AGAP1: variants seen among roughly 807,000 people sequenced by gnomAD.
The protein encoded by AGAP1 is arf-GAP with GTPase, ANK repeat and PH domain-containing protein 1.
AGAP1 carries 29 observed loss-of-function variants against 105.3 expected under a neutral mutation model. The ratio of observed to expected loss-of-function variants is 0.28; its 90% CI spans 0.21 to 0.38. AGAP1 has a LOEUF of 0.38. Among genes scored for constraint, AGAP1 ranks in the 10% least tolerant of loss-of-function variants. The pLI, the probability that AGAP1 is intolerant of heterozygous loss-of-function variation, is 1.00. For missense variants in AGAP1, 998 were observed against 1,165.1 expected (o/e 0.86, Z 2.09); for synonymous variants, 509 against 485.9 (o/e 1.05, Z -0.63).
chr2:235,860,093 T>G (rs1217973650), intron 9 of AGAP1, among the ~76,000 whole-genome samples: 2 of 152,178 alleles, frequency 1.3e-5, no homozygotes, highest in African/African-American at 4.8e-5. Flanking sequence ...CTTCTTCTCC[T>G]CCTCCTCCTC....
At chr2:235,755,563 C>T (rs765067134) in intron 6 of AGAP1, among the ~76,000 whole-genome samples, 1 of 152,172 alleles carries the variant, frequency 6.6e-6, no homozygotes, top group Admixed American at 6.5e-5. Flanking sequence ...GCCTCTGCCT[C>T]CTGAGTAGCT....
Position 235,930,810 on chromosome 2 carries a change from G to C in AGAP1, c.1370G>C (p.Ser457Thr). ...GGGTCTCAGATGGCAAGCGGCATCA[G>C]CCTGGTCTCCTTCAACAGCCGACCC... is the stretch of plus-strand genomic sequence containing the variant. ...ASGSQMASGI[S>T]LVSFNSRPDG... The change falls in exon 12 of 18, where the codon AGC (serine) becomes ACC (threonine). Residue 457 changes from serine (S) to threonine (T), a missense_variant. This residue lies in a region of AGAP1 where 735 missense variants were observed against 833.4 expected (regional missense o/e 0.88). Transcript: ENST00000304032. The surrounding 1 kb of genome is among the most constrained non-coding windows in gnomAD (Gnocchi z 7.9). 6.2e-7 allele frequency: 1 copy of C among 1,614,120 alleles called. No homozygotes were observed. Among genetic ancestry groups the C allele is most frequent in the Non-Finnish European group, 8.5e-7 (1 of 1,180,026 alleles).
At position 236,125,163 on chromosome 2, in the gene AGAP1, GA is replaced by G. The variant is rs1445247578; in HGVS notation, c.*1042del. The G allele has an allele frequency of 6.2e-6, 1 of 161,274 alleles. No homozygotes were observed. The highest frequency in any genetic ancestry group is 6.5e-5 in the Admixed American group (1 of 15,272). The allele number at this position is 161,274 out of a possible 1,614,324, so 10.0% of individuals were successfully genotyped here. ...GATGTGTTAGTCTCAGGCCCTCCTG[GA>G]CCACGTTGCCCAAGTCACACAGGCT... On this transcript the variant is annotated 3_prime_UTR_variant, in exon 18 of 18. Transcript: ENST00000304032. The surrounding 1 kb of genome is among the most constrained non-coding windows in gnomAD (Gnocchi z 5.2).
intron 9 of AGAP1, among the ~76,000 whole-genome samples, chr2:235,816,887 GAAA>G (rs111757111): frequency 6.9e-6 from 1 of 145,562 alleles, no homozygotes; most frequent in Non-Finnish European, 1.5e-5. Flanking sequence ...TCAAAAAGAA[GAAA>G]AAAAAAAAGA....
intron 10 of AGAP1, among the ~76,000 whole-genome samples, chr2:235,894,954 A>T (rs1178646174): frequency 1.3e-5 from 2 of 152,306 alleles, no homozygotes; most frequent in Admixed American, 6.5e-5. Context: ...CTCAAGGTCA[A>T]TTATGCAGTG....
intron 1 of AGAP1, among the ~76,000 whole-genome samples, chr2:235,568,930 T>C (rs202175335): frequency 1.6e-5 from 1 of 63,464 alleles, no homozygotes; most frequent in Non-Finnish European, 3.6e-5. Context: ...CTTAGAAGGA[T>C]GCCTGTGATT....
intron 1 of AGAP1, among the ~76,000 whole-genome samples, chr2:235,583,357 G>A (rs1427911667): frequency 6.6e-6 from 1 of 152,068 alleles, no homozygotes. Context: ...CCAGGGTCAG[G>A]TGCGGGTCCC....
At position 235,872,365 on chromosome 2, in the gene AGAP1, C is replaced by T. The variant is rs1188136379; in HGVS notation, c.1051-10980C>T. On this transcript the variant is annotated intron_variant, in intron 9 of 17. Transcript: ENST00000304032. The surrounding 1 kb of genome is among the most constrained non-coding windows in gnomAD (Gnocchi z 4.5). Reference sequence around the variant, plus strand: ...TGACAGCTGGACAGCAAGAAAGAATCTTAAGCAGAGATGGTTTTCACATGT... The same window carrying T: ...TGACAGCTGGACAGCAAGAAAGAATTTTAAGCAGAGATGGTTTTCACATGT... Among the ~76,000 whole-genome samples the T allele has an allele frequency of 6.6e-6, 1 of 152,176 alleles. No homozygotes were observed. The highest frequency in any genetic ancestry group is 1.5e-5 in the Non-Finnish European group (1 of 68,024).
rs1005728699 is a variant in AGAP1 at position 236,104,067 on chromosome 2, A to ATG, written c.2115-16122_2115-16121dup. 2.6e-5 allele frequency among the ~76,000 whole-genome samples: 4 copies of ATG among 152,186 alleles called. No individual in the cohort carries two copies. The highest frequency in any genetic ancestry group is 9.7e-5 in the African/African-American group (4 of 41,434). ...AATATTCAAACCCAGGCCTGCAGCA[A>ATG]TGTGAAACCTTAGGTACTTCCCACT... On this transcript the variant is annotated intron_variant, in intron 16 of 17. Transcript: ENST00000304032. The surrounding 1 kb of genome is among the most constrained non-coding windows in gnomAD (Gnocchi z 4.7).
In AGAP1 at chr2:235,541,149, C is replaced by T. The variant is rs1421452533; in HGVS notation, c.163+46300C>T. On this transcript the variant is annotated intron_variant, in intron 1 of 17. Coordinates refer to ENST00000304032, the MANE Select transcript of AGAP1 (RefSeq NM_001037131.3). Reference sequence around the variant, plus strand: ...TCTATTTAATAATCACCATTGGGCACGTGGACTTTCATCAGTACACATAGA... The same window carrying T: ...TCTATTTAATAATCACCATTGGGCATGTGGACTTTCATCAGTACACATAGA... Among the ~76,000 whole-genome samples the T allele has an allele frequency of 2.6e-5, 4 of 152,114 alleles. No individual in the cohort carries two copies. The East Asian group carries it at 5.8e-4, about 22-fold the overall frequency.
intron 1 of AGAP1, among the ~76,000 whole-genome samples, chr2:235,513,024 T>A (rs1172120883): frequency 6.6e-6 from 1 of 152,224 alleles, no homozygotes; most frequent in Non-Finnish European, 1.5e-5. Context: ...TCCTGACCAG[T>A]TCATTTCATG....
Position 236,119,092 on chromosome 2 carries a change from C to A in AGAP1, c.2115-1100C>A, listed in dbSNP as rs987586909. ...AGCAGGGTCCCCATCCTCTGTAGAC[C>A]CCCCAGGAGGAGACCATGTATTACA... is the stretch of plus-strand genomic sequence containing the variant. On this transcript the variant is annotated intron_variant, in intron 16 of 17. Transcript: ENST00000304032. This position sits in a 1 kb window ranked among gnomAD's most constrained non-coding sequence, Gnocchi z 6.6. Among the ~76,000 whole-genome samples the A allele has an allele frequency of 6.6e-6, 1 of 152,076 alleles. No homozygotes were observed. The highest frequency in any genetic ancestry group is 2.4e-5 in the African/African-American group (1 of 41,398).
At position 235,989,702 on chromosome 2, in the gene AGAP1, C is replaced by T. The variant is rs1371568723; in HGVS notation, c.1645+21079C>T. On this transcript the variant is annotated intron_variant, in intron 13 of 17. Transcript: ENST00000304032. This position sits in a 1 kb window ranked among gnomAD's most constrained non-coding sequence, Gnocchi z 4.4. Reference sequence around the variant, plus strand: ...AGAAAGAGTCATGAATCAAGGAGCCCAGGAGGACGGGGAATCCCTGGAGGA... The same window carrying T: ...AGAAAGAGTCATGAATCAAGGAGCCTAGGAGGACGGGGAATCCCTGGAGGA... Among the ~76,000 whole-genome samples the T allele has an allele frequency of 6.6e-6, 1 of 152,084 alleles. No homozygotes were observed. Among genetic ancestry groups the T allele is most frequent in the African/African-American group, 2.4e-5 (1 of 41,412 alleles).
intron 9 of AGAP1, among the ~76,000 whole-genome samples, chr2:235,829,533 A>G (rs751446506): frequency 2.8e-4 from 42 of 152,352 alleles, no homozygotes; most frequent in Non-Finnish European, 4.6e-4. Context: ...TAGAGAATTC[A>G]CCACCACTCC....
chr2:235,740,948 T>C lies in AGAP1; in HGVS notation c.311-15T>C. 2.5e-6 allele frequency: 4 copies of C among 1,614,170 alleles called. No homozygotes were observed. Among genetic ancestry groups the C allele is most frequent in the Non-Finnish European group, 3.4e-6 (4 of 1,179,990 alleles). On this transcript the variant is annotated splice_polypyrimidine_tract_variant and intron_variant, in intron 3 of 17. Transcript: ENST00000304032. This position sits in a 1 kb window ranked among gnomAD's most constrained non-coding sequence, Gnocchi z 5.7. Reference sequence around the variant, plus strand: ...TGTTGTTCTCGTGTAACGAGATGTTTTGTGTGTGTGGCAGGTGGCAGGTTC... The same window carrying C: ...TGTTGTTCTCGTGTAACGAGATGTTCTGTGTGTGTGGCAGGTGGCAGGTTC...
At chr2:235,943,561 G>A (rs1236475296) in intron 12 of AGAP1, among the ~76,000 whole-genome samples, 1 of 152,030 alleles carries the variant, frequency 6.6e-6, no homozygotes, top group African/African-American at 2.4e-5. Context: ...TGTTGGCCAG[G>A]CTGGTCCCGA....
intron 13 of AGAP1, among the ~76,000 whole-genome samples, chr2:235,991,999 A>T (rs1199656540): frequency 1.3e-5 from 2 of 152,164 alleles, no homozygotes; most frequent in South Asian, 2.1e-4. Context: ...AAATGTCCAC[A>T]TTTCTCTCTC....
At chr2:235,803,130 GTGGTGA>G (rs1311368020) in intron 8 of AGAP1, among the ~76,000 whole-genome samples, 42 of 130,080 alleles carry the variant, frequency 3.2e-4, no homozygotes, top group African/African-American at 1.1e-3. Context: ...GATGATGGTT[GTGGTGA>G]TGGTGATGGT....
rs1017441015 is a variant in AGAP1 at position 235,582,511 on chromosome 2, G to A, written c.163+87662G>A. On this transcript the variant is annotated intron_variant, in intron 1 of 17. Coordinates refer to ENST00000304032, the MANE Select transcript of AGAP1 (RefSeq NM_001037131.3). The surrounding 1 kb of genome is among the most constrained non-coding windows in gnomAD (Gnocchi z 4.7). ...TTGAGTCAGATCGTGGGGTTGGTTG[G>A]TCATGCGTGTAATTATGTGTTGAGG... 3.9e-5 allele frequency among the ~76,000 whole-genome samples: 6 copies of A among 152,200 alleles called. No homozygotes were observed. The highest frequency in any genetic ancestry group is 2.1e-4 in the South Asian group (1 of 4,834).
Sources: gnomAD v4.1 joint callset for allele counts (sites outside exome capture counted in the v4.1 genomes callset) on GRCh38, gnomAD v4.1.1 for gene constraint, gnomAD v4.1.1 regional missense constraint, Gnocchi (gnomAD v3.1) non-coding constraint, MANE v1.5 for transcripts, NCBI Gene and HGNC (gene_info 2026-07-23, HGNC 2026-07-21) for gene names.